Variants in TJP1 observed in about 807,000 individuals in gnomAD.
TJP1 encodes the protein tight junction protein 1, also known as tight junction protein ZO-1.
A neutral mutation model predicts 194.2 loss-of-function variants in TJP1; 43 were observed. The observed-to-expected ratio is 0.22, with a 90% CI of 0.17 to 0.29. The LOEUF (loss-of-function observed/expected upper bound fraction) is 0.29, where lower values mean the gene tolerates loss of function less well. Ranked by LOEUF, TJP1 falls within the 10% of genes least tolerant of loss-of-function variation. The pLI is 1.00. For synonymous variants in TJP1, 801 were observed against 779.0 expected (o/e 1.03, Z -0.47); for missense variants, 1,971 against 2,185.7 (o/e 0.90, Z 1.96).
rs374280155 is a variant in TJP1, at chr15:29,736,425, G to C, written c.1407+839C>G. 2.4e-4 allele frequency among the ~76,000 whole-genome samples: 37 copies of C among 152,354 alleles called. No individual in the cohort carries two copies. In the South Asian group the frequency reaches 6.6e-3, roughly 27 times the overall value. ...GAATCCAGGACACTGGCAAGAGGCA[G>C]GCTGAGTACAGAAAGAGACCAGAAT... On this transcript the variant is annotated intron_variant, in intron 11 of 27. Coordinates refer to ENST00000614355, the MANE Select transcript of TJP1 (RefSeq NM_001330239.4).
intron 2 of TJP1, among the ~76,000 whole-genome samples, chr15:29,890,751 C>T (rs2053276885): frequency 6.6e-6 from 1 of 151,666 alleles, no homozygotes; most frequent in African/African-American, 2.4e-5. Context: ...CTCTATCAAA[C>T]TGCTAATGGG....
At chr15:29,958,566 G>A (rs1478411174) in intron 1 of TJP1, among the ~76,000 whole-genome samples, 2 of 152,054 alleles carry the variant, frequency 1.3e-5, no homozygotes, top group African/African-American at 4.8e-5. Context: ...TAGTTTGAAA[G>A]TTATACATCT....
intron 2 of TJP1, among the ~76,000 whole-genome samples, chr15:29,798,969 A>G (rs142316704): frequency 2.0e-5 from 3 of 152,194 alleles, no homozygotes; most frequent in Non-Finnish European, 4.4e-5. Context: ...TACAAAAAGA[A>G]ACCATATCAT....
At chr15:29,874,012 T>C (rs1330851141) in intron 2 of TJP1, among the ~76,000 whole-genome samples, 8 of 152,192 alleles carry the variant, frequency 5.3e-5, no homozygotes, top group African/African-American at 1.9e-4. Context: ...AGCAGTTTTC[T>C]TCTCTTCCAC....
At chr15:29,806,006 G>C (rs1317781781) in intron 1 of TJP1, among the ~76,000 whole-genome samples, 46 of 152,180 alleles carry the variant, frequency 3.0e-4, no homozygotes, top group Non-Finnish European at 2.9e-5. Context: ...AAGGGTACCA[G>C]ATCACAACAG....
At position 29,956,557 on chromosome 15, in the gene TJP1, T is replaced by C. The variant is rs143676471; in HGVS notation, c.174-193A>G. Reference sequence around the variant, plus strand: ...AACTATTTCTTAGCTAGTTAAGACATCTTGACAGGATTCAAATAGTACAAC... The same window carrying C: ...AACTATTTCTTAGCTAGTTAAGACACCTTGACAGGATTCAAATAGTACAAC... On this transcript the variant is annotated intron_variant, in intron 1 of 28. Transcript: ENST00000356107. Among the ~76,000 whole-genome samples, 54 of 152,318 alleles carry C rather than the reference T, an allele frequency of 3.5e-4. 1 individual carries two copies. The highest frequency in any genetic ancestry group is 1.2e-3 in the African/African-American group (49 of 41,574).
At chr15:29,701,763 C>A (rs2041557535) in intron 27 of TJP1, 74 bp from the exon 28 acceptor site, 1 of 1,049,356 alleles carries the variant, frequency 9.5e-7, no homozygotes. Context: ...AATTATAGGG[C>A]AAATACGTAT....
At chr15:29,957,559 C>T (rs2055994808) in intron 1 of TJP1, among the ~76,000 whole-genome samples, 1 of 152,150 alleles carries the variant, frequency 6.6e-6, no homozygotes, top group Non-Finnish European at 1.5e-5. Context: ...TATATCTTAA[C>T]GTTCTTCCCA....
chr15:29,774,982 C>T lies in TJP1; in HGVS notation c.85-1625G>A, dbSNP rs144285473. ...TCAACTGCAGTGTGAAAATTTTAAA[C>T]GGAAAACTTCAGAAATAAACAATTG... On this transcript the variant is annotated intron_variant, in intron 2 of 27. Coordinates refer to ENST00000614355, the MANE Select transcript of TJP1 (RefSeq NM_001330239.4). Among the ~76,000 whole-genome samples, 604 of 151,794 alleles carry T rather than the reference C, an allele frequency of 4.0e-3. 4 individuals are homozygous for T. Among genetic ancestry groups the T allele is most frequent in the Non-Finnish European group, 5.3e-3 (356 of 67,712 alleles).
intron 10 of TJP1, among the ~76,000 whole-genome samples, chr15:29,737,800 A>T (rs528478512): frequency 3.3e-5 from 5 of 152,322 alleles, no homozygotes; most frequent in Admixed American, 2.0e-4. Flanking sequence ...CAAATTTTTT[A>T]AAATAAAGGT....
chr15:29,857,417 C>T (rs544379892), intron 2 of TJP1, among the ~76,000 whole-genome samples: 21 of 152,140 alleles, frequency 1.4e-4, no homozygotes, highest in African/African-American at 4.1e-4. Flanking sequence ...AAAAGGCCTA[C>T]GTATGTAGTA....
chr15:29,965,849 G>A (rs1342314645), intron 1 of TJP1, among the ~76,000 whole-genome samples: 5 of 152,120 alleles, frequency 3.3e-5, no homozygotes, highest in Non-Finnish European at 5.9e-5. Context: ...TCCCTTTGCC[G>A]CTGTAGAATC....
chr15:29,887,592 C>T (rs2053162877), intron 2 of TJP1, among the ~76,000 whole-genome samples: 1 of 151,954 alleles, frequency 6.6e-6, no homozygotes, highest in African/African-American at 2.4e-5. Flanking sequence ...TGAGCCACCG[C>T]ACCTGGCCTA....
At chr15:29,932,226 T>C (rs542492410) in intron 2 of TJP1, among the ~76,000 whole-genome samples, 4 of 152,318 alleles carry the variant, frequency 2.6e-5, no homozygotes, top group African/African-American at 9.6e-5. Flanking sequence ...TCTCTGACAA[T>C]ACCAGCTTTC....
chr15:29,949,594 A>C (rs1309927123), intron 2 of TJP1, among the ~76,000 whole-genome samples: 346 of 11,374 alleles, frequency 0.03, no homozygotes, highest in South Asian at 0.037. Context: ...CCACCTCCAC[A>C]ACCACCACCT....
Position 29,815,453 on chromosome 15 carries a change from T to C in TJP1, c.27+6549A>G, listed in dbSNP as rs573896167. 2.0e-5 allele frequency among the ~76,000 whole-genome samples: 3 copies of C among 152,358 alleles called. 1 individual carries two copies. In the South Asian group the frequency reaches 6.2e-4, roughly 32 times the overall value. ...AGGATCATTCTAGACATAAACTATCTTTTTATTTAACATATCAAAACTTTG... is the reference window on the plus strand; with the variant it reads ...AGGATCATTCTAGACATAAACTATCCTTTTATTTAACATATCAAAACTTTG... On this transcript the variant is annotated intron_variant, in intron 1 of 27. Coordinates refer to ENST00000614355, the MANE Select transcript of TJP1 (RefSeq NM_001330239.4).
chr15:29,903,866 G>T (rs60581964), intron 2 of TJP1, among the ~76,000 whole-genome samples: 1 of 152,152 alleles, frequency 6.6e-6, no homozygotes, highest in African/African-American at 2.4e-5. Flanking sequence ...TTCCTTTATG[G>T]AAAATTTGCT....
intron 1 of TJP1, among the ~76,000 whole-genome samples, chr15:29,803,389 G>A (rs556265305): frequency 1.2e-4 from 19 of 152,226 alleles, no homozygotes; most frequent in Non-Finnish European, 2.5e-4. Context: ...ACTTTATTGT[G>A]AAGTAAGCTT....
chr15:29,821,422 T>G (rs1046536296), intron 1 of TJP1: 6 of 152,226 alleles, frequency 3.9e-5, no homozygotes, highest in African/African-American at 1.4e-4. Context: ...TTACCTTAAA[T>G]AAGTAATACA....
Sources: allele counts gnomAD v4.1 joint callset (sites outside exome capture counted in the v4.1 genomes callset), GRCh38; gene constraint gnomAD v4.1.1; transcripts MANE v1.5; gene names NCBI Gene and HGNC (gene_info 2026-07-23, HGNC 2026-07-21).